SLC12A2: variants seen among roughly 807,000 people sequenced by gnomAD.
SLC12A2 encodes Na-K-2Cl cotransporter 1.
Under a neutral mutation model 136.3 loss-of-function variants are expected in SLC12A2, and 67 were observed. The ratio of observed to expected loss-of-function variants is 0.49; its 90% confidence interval spans 0.40 to 0.60. The LOEUF (loss-of-function observed/expected upper bound fraction) is 0.60. Among genes scored for constraint, SLC12A2 ranks in the 20% least tolerant of loss-of-function variants. The pLI, the probability that SLC12A2 is intolerant of heterozygous loss-of-function variation, is 0.00. For missense variants in SLC12A2, 1,322 were observed against 1,534.7 expected, an observed-to-expected ratio of 0.86 and a Z score of 2.32; for synonymous variants, 619 against 562.9, an observed-to-expected ratio of 1.10 and a Z score of -1.41.
intron 16 of SLC12A2, 28 bp downstream of exon 16, chr5:128,158,192 A>T (rs774940069): frequency 6.4e-7 from 1 of 1,550,444 alleles, no homozygotes; most frequent in Non-Finnish European, 8.8e-7. Flanking sequence ...TTTCTTTTTC[A>T]AGTTTTTTTT....
chr5:128,130,322 C>T (rs1477473476), intron 4 of SLC12A2, among the ~76,000 whole-genome samples: 4 of 152,046 alleles, frequency 2.6e-5, no homozygotes, highest in Non-Finnish European at 5.9e-5. Context: ...TGAGACCATC[C>T]TGGCCAACAT....
intron 22 of SLC12A2, 117 bp downstream of exon 22, chr5:128,178,806 A>T (rs1022067515): frequency 4.8e-6 from 3 of 629,908 alleles, no homozygotes; most frequent in Non-Finnish European, 7.5e-6. Context: ...GCATTCCCAA[A>T]AGCAAAAGGA....
At chr5:128,097,806 T>G (rs1760599621) in intron 1 of SLC12A2, among the ~76,000 whole-genome samples, 1 of 152,150 alleles carries the variant, frequency 6.6e-6, no homozygotes, top group Non-Finnish European at 1.5e-5. Flanking sequence ...AATATTTTCA[T>G]TTATATTCAT....
chr5:128,090,835 G>T (rs1286665878), intron 1 of SLC12A2, among the ~76,000 whole-genome samples: 1 of 152,160 alleles, frequency 6.6e-6, no homozygotes, highest in African/African-American at 2.4e-5. Context: ...CAGCAAGACC[G>T]AATTGATGAG....
At chr5:128,165,918 TCCCCC>T (rs34094078) in intron 17 of SLC12A2, among the ~76,000 whole-genome samples, 11 of 83,822 alleles carry the variant, frequency 1.3e-4, no homozygotes, top group African/African-American at 4.0e-4. Flanking sequence ...TTCTTTTACC[TCCCCC>T]CCCCCCCCCC....
intron 1 of SLC12A2, among the ~76,000 whole-genome samples, chr5:128,096,357 A>C (rs1166454809): frequency 6.6e-6 from 1 of 152,104 alleles, no homozygotes; most frequent in African/African-American, 2.4e-5. Flanking sequence ...TTGAATCCTG[A>C]TGAGTTATTG....
intron 14 of SLC12A2, among the ~76,000 whole-genome samples, 163 bp from the exon 15 acceptor site, chr5:128,152,543 C>G (rs1167024293): frequency 6.6e-6 from 1 of 152,144 alleles, no homozygotes; most frequent in Non-Finnish European, 1.5e-5. Flanking sequence ...GATTATCAGT[C>G]TTAATATCTT....
At chr5:128,117,125 C>T (rs1020735596) in intron 4 of SLC12A2, among the ~76,000 whole-genome samples, 4 of 152,158 alleles carry the variant, frequency 2.6e-5, no homozygotes, top group Admixed American at 2.0e-4. Flanking sequence ...TGTATTTCCA[C>T]TCAAAAGAAC....
At chr5:128,085,182 A>T (rs565640120) in intron 1 of SLC12A2, among the ~76,000 whole-genome samples, 1 of 152,076 alleles carries the variant, frequency 6.6e-6, no homozygotes, top group South Asian at 2.1e-4. Context: ...TTTGAAGGAA[A>T]ACCTTAACAG....
At chr5:128,117,270 C>T (rs1175679791) in intron 4 of SLC12A2, among the ~76,000 whole-genome samples, 1 of 152,140 alleles carries the variant, frequency 6.6e-6, no homozygotes, top group African/African-American at 2.4e-5. Context: ...GGAGCTAACA[C>T]TGGCTAAAGT....
Position 128,095,342 on chromosome 5 carries a change from G to T in SLC12A2, c.756+10632G>T, listed in dbSNP as rs531813362. Among the ~76,000 whole-genome samples, 8 of 152,136 alleles carry T rather than the reference G, an allele frequency of 5.3e-5. No homozygotes were observed. The South Asian group carries it at 1.5e-3, about 28-fold the overall frequency. ...GTGGGTTTTTTTAGAAGGTCCTGGA[G>T]TAACAGTCTCATTTTGCAAGGCTGT... On this transcript the variant is annotated intron_variant, in intron 1 of 26. Transcript: ENST00000262461.
intron 12 of SLC12A2, 81 bp from the exon 13 acceptor site, chr5:128,149,916 C>A: frequency 1.0e-6 from 1 of 964,280 alleles, no homozygotes. Flanking sequence ...ACGTTGTTAT[C>A]TAAAGATTTG....
intron 9 of SLC12A2, 24 bp from the exon 10 acceptor site, chr5:128,141,806 T>A (rs1205261782): frequency 6.2e-7 from 1 of 1,601,904 alleles, no homozygotes; most frequent in South Asian, 1.1e-5. Context: ...AACTATATTA[T>A]TCTTGTTGTC....
At chr5:128,105,858 T>C (rs1760913060) in intron 1 of SLC12A2, among the ~76,000 whole-genome samples, 1 of 152,192 alleles carries the variant, frequency 6.6e-6, no homozygotes, top group Non-Finnish European at 1.5e-5. Flanking sequence ...CATAGCTTCT[T>C]TACCTACTAG....
intron 26 of SLC12A2, 118 bp downstream of exon 26, chr5:128,184,974 G>GA: frequency 2.4e-6 from 2 of 849,922 alleles, no homozygotes; most frequent in South Asian, 1.9e-5. Context: ...TTATAAGGAG[G>GA]AAAAAACAAA....
intron 1 of SLC12A2, among the ~76,000 whole-genome samples, chr5:128,106,798 A>C (rs180831327): frequency 6.6e-6 from 1 of 152,144 alleles, no homozygotes; most frequent in Non-Finnish European, 1.5e-5. Context: ...CCACAGCAAA[A>C]ATTTTTGGAT....
chr5:128,155,468 C>T (rs1330085865), intron 15 of SLC12A2, among the ~76,000 whole-genome samples: 2 of 152,170 alleles, frequency 1.3e-5, no homozygotes, highest in Non-Finnish European at 2.9e-5. Context: ...GACTTTTAAA[C>T]ATGCTGTAAC....
intron 4 of SLC12A2, among the ~76,000 whole-genome samples, chr5:128,126,967 T>TATATATATATATATATATAA (rs1491322749): frequency 2.0e-4 from 6 of 29,652 alleles, no homozygotes; most frequent in South Asian, 9.3e-4. Flanking sequence ...TATATATATA[T>TATATATATATATATATATAA]TTTTTTTTTT....
At position 128,084,336 on chromosome 5, in the gene SLC12A2, C is replaced by G. The variant is rs750922559; in HGVS notation, c.382C>G (p.Pro128Ala). 5 of 1,574,142 alleles carry G rather than the reference C, an allele frequency of 3.2e-6. No homozygotes were observed. Among genetic ancestry groups the G allele is most frequent in the African/African-American group, 1.3e-5 (1 of 74,266 alleles). The change falls in exon 1 of 27, where the codon CCG (proline) becomes GCG (alanine). Residue 128 changes from proline to alanine, a missense_variant. This residue lies in a region of SLC12A2 where 358 missense variants were observed against 299.7 expected (regional missense o/e 1.19). Transcript: ENST00000262461. The surrounding 1 kb of genome is among the most constrained non-coding windows in gnomAD (Gnocchi z 5.6). Reference protein sequence around the residue: ...ADGEASGESEPAKGSEEAKGR... With the variant: ...ADGEASGESEAAKGSEEAKGR... ...CGGGGAAGCCAGCGGCGAGAGCGAG[C>G]CGGCTAAAGGCAGCGAGGAAGCCAA... is the stretch of plus-strand genomic sequence containing the variant.
Sources: allele counts gnomAD v4.1 joint callset (sites outside exome capture counted in the v4.1 genomes callset), GRCh38; gene constraint gnomAD v4.1.1; regional missense constraint gnomAD v4.1.1; non-coding constraint Gnocchi (gnomAD v3.1); transcripts MANE v1.5; gene names NCBI Gene and HGNC (gene_info 2026-07-23, HGNC 2026-07-21).